The following TMEM132D variants were observed in gnomAD, a reference collection of about 807,000 sequenced individuals.
The protein encoded by TMEM132D is mature OL transmembrane protein.
Under a neutral mutation model 62.3 loss-of-function variants are expected in TMEM132D, and 21 were observed. The ratio of observed to expected loss-of-function variants is 0.34; its 90% CI spans 0.24 to 0.49. TMEM132D has a LOEUF of 0.49. TMEM132D is among the 20% of genes least tolerant of loss of function. The pLI is 0.99. For missense variants in TMEM132D, 1,346 were observed against 1,402.8 expected, an observed-to-expected ratio of 0.96 and a Z score of 0.65; for synonymous variants, 621 against 575.6, an observed-to-expected ratio of 1.08 and a Z score of -1.13.
chr12:129,561,136 G>C (rs1433673069), intron 2 of TMEM132D, among the ~76,000 whole-genome samples: 2 of 152,200 alleles, frequency 1.3e-5, no homozygotes, highest in Admixed American at 6.5e-5. Flanking sequence ...GCGAGATTCA[G>C]GGAATGCCTC....
chr12:129,358,090 T>C (rs377298519), intron 3 of TMEM132D, among the ~76,000 whole-genome samples: 32 of 152,328 alleles, frequency 2.1e-4, no homozygotes, highest in African/African-American at 7.7e-4. Flanking sequence ...ATTTTTGTCA[T>C]CATAAATTTG....
chr12:129,450,747 CTTCTT>C (rs1873249186), intron 3 of TMEM132D, among the ~76,000 whole-genome samples: 1 of 115,028 alleles, frequency 8.7e-6, no homozygotes, highest in Non-Finnish European at 1.8e-5. Context: ...GTTTCCATCG[CTTCTT>C]TTTTTTTTTT....
At chr12:129,545,225 G>C (rs2137101014) in intron 2 of TMEM132D, among the ~76,000 whole-genome samples, 1 of 152,254 alleles carries the variant, frequency 6.6e-6, no homozygotes, top group Non-Finnish European at 1.5e-5. Context: ...CGAAGAGGCT[G>C]AGCATGATGT....
At chr12:129,708,668 TTAAC>T (rs1881565986) in intron 1 of TMEM132D, among the ~76,000 whole-genome samples, 1 of 95,942 alleles carries the variant, frequency 1.0e-5, no homozygotes, top group Non-Finnish European at 2.2e-5. Context: ...GTGCACTCAT[TTAAC>T]TAGGAATTCC....
intron 3 of TMEM132D, among the ~76,000 whole-genome samples, chr12:129,508,550 A>C (rs893374034): frequency 1.2e-4 from 19 of 152,290 alleles, no homozygotes; most frequent in Admixed American, 2.6e-4. Flanking sequence ...TTCAAATTCT[A>C]CAGCTAGGAC....
intron 1 of TMEM132D, among the ~76,000 whole-genome samples, chr12:129,729,422 C>T (rs997795208): frequency 2.6e-5 from 4 of 152,182 alleles, no homozygotes; most frequent in African/African-American, 7.2e-5. Flanking sequence ...CTAGTCAATA[C>T]ATGTTAGTAG....
intron 3 of TMEM132D, among the ~76,000 whole-genome samples, chr12:129,461,761 A>G (rs1278049243): frequency 1.3e-5 from 2 of 151,892 alleles, no homozygotes; most frequent in Admixed American, 1.3e-4. Flanking sequence ...GGATGGATGG[A>G]CGGGCGGACT....
At chr12:129,711,119 C>T (rs1250765291) in intron 1 of TMEM132D, among the ~76,000 whole-genome samples, 4 of 152,218 alleles carry the variant, frequency 2.6e-5, no homozygotes, top group Non-Finnish European at 4.4e-5. Flanking sequence ...TCACAAGCAT[C>T]CAAAACTTGA....
intron 3 of TMEM132D, among the ~76,000 whole-genome samples, chr12:129,442,531 G>T (rs1246999669): frequency 6.6e-6 from 1 of 152,168 alleles, no homozygotes; most frequent in Non-Finnish European, 1.5e-5. Flanking sequence ...AGTGGTTAGT[G>T]AGTGGTAGAG....
At chr12:129,360,913 C>T (rs567659495) in intron 3 of TMEM132D, among the ~76,000 whole-genome samples, 1 of 152,224 alleles carries the variant, frequency 6.6e-6, no homozygotes, top group Admixed American at 6.5e-5. Context: ...CTTGTGTAGG[C>T]TCACTGCTGG....
intron 1 of TMEM132D, among the ~76,000 whole-genome samples, chr12:129,808,222 A>G (rs1227081655): frequency 6.6e-6 from 1 of 152,202 alleles, no homozygotes; most frequent in Non-Finnish European, 1.5e-5. Flanking sequence ...ATCGTCTCTA[A>G]CGAATGAGCC....
chr12:129,742,467 C>T (rs541137352), intron 1 of TMEM132D, among the ~76,000 whole-genome samples: 2 of 152,266 alleles, frequency 1.3e-5, no homozygotes, highest in Non-Finnish European at 1.5e-5. Context: ...ATGAGGGATC[C>T]ACCTCCATGA....
At chr12:129,512,788 G>T (rs1211319849) in intron 3 of TMEM132D, among the ~76,000 whole-genome samples, 1 of 152,234 alleles carries the variant, frequency 6.6e-6, no homozygotes, top group African/African-American at 2.4e-5. Context: ...TGTCATGGCA[G>T]CTGCCTGGCT....
intron 4 of TMEM132D, among the ~76,000 whole-genome samples, chr12:129,275,715 T>C (rs1880985256): frequency 6.6e-6 from 1 of 152,100 alleles, no homozygotes; most frequent in African/African-American, 2.4e-5. Context: ...CCCATGTGAG[T>C]TGCTAAAGCA....
chr12:129,084,447 C>T (rs1488614140), intron 6 of TMEM132D, 50 bp downstream of exon 6: 2 of 1,530,572 alleles, frequency 1.3e-6, no homozygotes, highest in African/African-American at 1.4e-5. Flanking sequence ...AATTTACCAC[C>T]CCGTACACTT....
chr12:129,340,980 G>A (rs1198407250), intron 3 of TMEM132D, among the ~76,000 whole-genome samples: 2 of 152,150 alleles, frequency 1.3e-5, no homozygotes, highest in African/African-American at 2.4e-5. Context: ...ATTATGGACC[G>A]AGTTCCTGAC....
intron 4 of TMEM132D, among the ~76,000 whole-genome samples, chr12:129,309,820 C>T (rs529676215): frequency 8.3e-4 from 125 of 151,446 alleles, no homozygotes; most frequent in African/African-American, 3.0e-3. Flanking sequence ...ATCGAGGAAT[C>T]CTGAGGGAAA....
At chr12:129,503,414 T>A (rs536110064) in intron 3 of TMEM132D, among the ~76,000 whole-genome samples, 1 of 152,270 alleles carries the variant, frequency 6.6e-6, no homozygotes, top group African/African-American at 2.4e-5. Context: ...TTGGAGACTC[T>A]CAGAAATTAG....
intron 3 of TMEM132D, among the ~76,000 whole-genome samples, chr12:129,372,527 C>T (rs61945688): frequency 6.6e-6 from 1 of 152,108 alleles, no homozygotes; most frequent in South Asian, 2.1e-4. Flanking sequence ...TATTTGCAGC[C>T]GCTCCCCATT....
Sources: gnomAD v4.1 joint callset for allele counts (sites outside exome capture counted in the v4.1 genomes callset) on GRCh38, gnomAD v4.1.1 for gene constraint, MANE v1.5 for transcripts, NCBI Gene and HGNC (gene_info 2026-07-23, HGNC 2026-07-21) for gene names.